The following SPATA9 variants were observed in gnomAD, a reference collection of about 807,000 sequenced individuals.
The protein encoded by SPATA9 is spermatogenesis associated 9.
A neutral mutation model predicts 25.5 loss-of-function variants in SPATA9; 27 were observed. That is an observed-to-expected ratio of 1.06 (90% CI 0.78 to 1.46). The LOEUF is 1.46. Ranked by LOEUF, SPATA9 falls within the 40% of genes most tolerant of loss-of-function variation. The pLI is 0.00. For missense variants in SPATA9, 282 were observed against 297.5 expected, an observed-to-expected ratio of 0.95 and a Z score of 0.38; for synonymous variants, 102 against 105.7, an observed-to-expected ratio of 0.97 and a Z score of 0.21.
chr5:95,703,002 G>A (rs1317974148), upstream of SPATA9, among the ~76,000 whole-genome samples: 4 of 152,188 alleles, frequency 2.6e-5, no homozygotes, highest in African/African-American at 4.8e-5. Context: ...AGTACCATTT[G>A]CATTAAATCT....
At chr5:95,732,065 T>A in the SPATA9 span, 4 of 1,614,184 alleles carry the variant, frequency 2.5e-6, no homozygotes, top group Non-Finnish European at 3.4e-6. Context: ...AAGCTGGTGG[T>A]CCACGACTGT....
the SPATA9 span, among the ~76,000 whole-genome samples, chr5:95,722,129 A>G: frequency 1.3e-5 from 2 of 152,186 alleles, no homozygotes; most frequent in Non-Finnish European, 2.9e-5. Flanking sequence ...TTCTAAGCAT[A>G]TTTGTAAAAC....
chr5:95,728,094 C>A, the SPATA9 span, among the ~76,000 whole-genome samples: 1 of 152,190 alleles, frequency 6.6e-6, no homozygotes, highest in African/African-American at 2.4e-5. Flanking sequence ...AATCATGTGG[C>A]CCTACCTATA....
chr5:95,731,872 G>T, the SPATA9 span: 1 of 1,612,778 alleles, frequency 6.2e-7, no homozygotes, highest in African/African-American at 1.3e-5. Context: ...CATCCACATC[G>T]TGGCGCTGGG....
chr5:95,725,488 A>G, the SPATA9 span, among the ~76,000 whole-genome samples: 16 of 152,284 alleles, frequency 1.1e-4, no homozygotes, highest in Non-Finnish European at 2.4e-4. Flanking sequence ...GTGTGCACAC[A>G]CACAAGCGCA....
the SPATA9 span, chr5:95,716,993 T>C: frequency 6.6e-6 from 1 of 152,314 alleles, no homozygotes; most frequent in African/African-American, 2.4e-5. Flanking sequence ...CTTCCCTTTA[T>C]AAATTATGCA....
the SPATA9 span, among the ~76,000 whole-genome samples, chr5:95,711,561 G>A: frequency 2.6e-5 from 4 of 152,202 alleles, no homozygotes; most frequent in African/African-American, 7.2e-5. Flanking sequence ...CTCCCGCCGC[G>A]GCCGCAGTCG....
intron 3 of SPATA9, among the ~76,000 whole-genome samples, chr5:95,667,377 G>A (rs1213002260): frequency 2.0e-5 from 3 of 152,042 alleles, no homozygotes; most frequent in East Asian, 3.9e-4. Flanking sequence ...CTTTCTCTTC[G>A]GGCCGTACTA....
At chr5:95,689,079 C>A (rs1561418827) in intron 1 of SPATA9, among the ~76,000 whole-genome samples, 1 of 152,106 alleles carries the variant, frequency 6.6e-6, no homozygotes. Context: ...AACTTTTTCT[C>A]CACAAAACAC....
At chr5:95,695,475 G>C (rs1302379337) in intron 1 of SPATA9, among the ~76,000 whole-genome samples, 1 of 152,118 alleles carries the variant, frequency 6.6e-6, no homozygotes, top group African/African-American at 2.4e-5. Context: ...GCACGCACCT[G>C]CACTCCCAGC....
At chr5:95,654,323 T>G (rs1750582143), downstream of SPATA9, 1 of 1,609,534 alleles carries the variant, frequency 6.2e-7, no homozygotes, top group African/African-American at 1.3e-5. Flanking sequence ...AATATTCAAT[T>G]CCTTTTCAGA....
chr5:95,687,187 G>A (rs995243914), upstream of SPATA9, among the ~76,000 whole-genome samples: 1 of 152,186 alleles, frequency 6.6e-6, no homozygotes, highest in African/African-American at 2.4e-5. Context: ...GACACCCCAT[G>A]GGAATTCCCA....
upstream of SPATA9, among the ~76,000 whole-genome samples, chr5:95,699,042 T>G (rs1364705277): frequency 6.6e-6 from 1 of 152,216 alleles, no homozygotes; most frequent in Non-Finnish European, 1.5e-5. Context: ...GCATGCACCC[T>G]GCTCAGTTCA....
At chr5:95,653,529 G>T (rs1464146514), downstream of SPATA9, among the ~76,000 whole-genome samples, 3 of 152,228 alleles carry the variant, frequency 2.0e-5, no homozygotes, top group East Asian at 5.8e-4. Flanking sequence ...TCTAGCCTCA[G>T]ATTGAGGAAT....
chr5:95,687,811 CT>C (rs1383170906), upstream of SPATA9, among the ~76,000 whole-genome samples: 1 of 152,142 alleles, frequency 6.6e-6, no homozygotes, highest in Non-Finnish European at 1.5e-5. Context: ...TCTGTTTCCC[CT>C]ATCAGATTAT....
At chr5:95,657,606 T>C (rs908168018), downstream of SPATA9, 2 of 152,146 alleles carry the variant, frequency 1.3e-5, no homozygotes, top group Non-Finnish European at 2.9e-5. Flanking sequence ...TTGGTTATTA[T>C]AAAAATAGTA....
At chr5:95,730,918 C>G in the SPATA9 span, 1 of 458,364 alleles carries the variant, frequency 2.2e-6, no homozygotes, top group Admixed American at 2.4e-5. Flanking sequence ...TCGGTCAAGG[C>G]CAAGAGGGGG....
At chr5:95,731,133 T>C in the SPATA9 span, 1 of 1,024,986 alleles carries the variant, frequency 9.8e-7, no homozygotes. Context: ...TTAATTTATA[T>C]TCCGCGGCGC....
At chr5:95,721,774 G>GA in the SPATA9 span, among the ~76,000 whole-genome samples, 5 of 151,000 alleles carry the variant, frequency 3.3e-5, no homozygotes, top group Admixed American at 3.3e-4. Context: ...TAATCAGCAG[G>GA]AAAAAAACAG....
Sources: allele counts gnomAD v4.1 joint callset (sites outside exome capture counted in the v4.1 genomes callset), GRCh38; gene constraint gnomAD v4.1.1; transcripts MANE v1.5; gene names NCBI Gene and HGNC (gene_info 2026-07-23, HGNC 2026-07-21).